Variants in TARBP1 observed in about 807,000 individuals in gnomAD.
TARBP1 encodes tRNA guanosine 2 -O-methyltransferase TARBP1.
A neutral mutation model predicts 178.6 loss-of-function variants in TARBP1; 144 were observed. The observed-to-expected ratio is 0.81, with a 90% confidence interval of 0.70 to 0.93. The LOEUF (loss-of-function observed/expected upper bound fraction) is 0.93, where lower values mean the gene tolerates loss of function less well. TARBP1 is among the 40% of genes least tolerant of loss of function. The pLI is 0.00. For synonymous variants in TARBP1, 787 were observed against 781.0 expected (o/e 1.01, Z -0.13); for missense variants, 2,067 against 2,011.7 (o/e 1.03, Z -0.53).
chr1:234,442,180 G>C (rs1184138018), intron 12 of TARBP1, among the ~76,000 whole-genome samples: 1 of 152,140 alleles, frequency 6.6e-6, no homozygotes, highest in Non-Finnish European at 1.5e-5. Context: ...CTGGGGCTAA[G>C]GCAGAGTTCT....
At chr1:234,477,163 C>T (rs1380217517) in intron 1 of TARBP1, among the ~76,000 whole-genome samples, 1 of 152,024 alleles carries the variant, frequency 6.6e-6, no homozygotes, top group Non-Finnish European at 1.5e-5. Flanking sequence ...CCAGCCTGGG[C>T]AACAAGACCG....
At chr1:234,470,701 C>T (rs761416495) in intron 3 of TARBP1, among the ~76,000 whole-genome samples, 10 of 151,996 alleles carry the variant, frequency 6.6e-5, no homozygotes, top group Non-Finnish European at 1.3e-4. Context: ...CTGCAACCTC[C>T]GCCTCCTGGA....
intron 8 of TARBP1, among the ~76,000 whole-genome samples, chr1:234,458,515 T>C (rs1046498479): frequency 5.9e-5 from 9 of 152,186 alleles, no homozygotes; most frequent in African/African-American, 2.2e-4. Context: ...AATAGTTTTT[T>C]TGGAATATAG....
intron 26 of TARBP1, among the ~76,000 whole-genome samples, chr1:234,395,217 C>T (rs538017553): frequency 1.1e-4 from 16 of 151,798 alleles, no homozygotes; most frequent in South Asian, 6.2e-4. Flanking sequence ...AGAGACAGAG[C>T]GAGACTCCGT....
rs761579507 is a variant in TARBP1 at position 234,463,845 on chromosome 1, T to C, written c.1391A>G (p.Glu464Gly). 1 of 1,563,500 alleles carries C rather than the reference T, an allele frequency of 6.4e-7. No homozygotes were observed. The part of the protein sequence containing the change: ...LVTYISLLPE[E>G]IKSSFLLKFI... The stretch of plus-strand genomic sequence containing the variant: ...CCTTTACTGACACATACTCTTTATT[T>C]CTTCTGGAAGAAGAGAAATATAAGT... Residue 464 changes from glutamate to glycine, a missense_variant, in exon 6 of 30, where the codon GAA becomes GGA. By Grantham distance (98) the Glu-to-Gly change is moderately conservative. Coordinates refer to ENST00000040877, the MANE Select transcript of TARBP1 (RefSeq NM_005646.4).
chr1:234,393,455 A>C lies in TARBP1; in HGVS notation c.4467T>G (p.Ala1489=). 1 of 1,608,452 alleles carries C rather than the reference A, an allele frequency of 6.2e-7. No homozygotes were observed. Among genetic ancestry groups the C allele is most frequent in the South Asian group, 1.1e-5 (1 of 90,452 alleles). ...GLCRTCEVFG[A]SVLVVGSLQC... ...GAAGGCTGCCAACAACGAGCACTGA[A>C]GCCCCAAATACCTCACAGGTCCTGC... The change falls in exon 28 of 30, where the codon GCT becomes GCG. Residue 1489 remains alanine (A), a synonymous_variant. Coordinates refer to ENST00000040877, the MANE Select transcript of TARBP1 (RefSeq NM_005646.4).
intron 15 of TARBP1, 98 bp downstream of exon 15, chr1:234,429,989 G>A: frequency 8.2e-7 from 1 of 1,220,720 alleles, no homozygotes; most frequent in East Asian, 2.3e-5. Context: ...TGGAGCTTCA[G>A]CCCCAAAATT....
rs772455692 is a variant in TARBP1, at chr1:234,459,282, C to A, written c.1580G>T (p.Arg527Ile). The A allele has an allele frequency of 1.2e-6, 2 of 1,613,482 alleles. No homozygotes were observed. The highest frequency in any genetic ancestry group is 1.7e-5 in the Admixed American group (1 of 59,886). The change falls in exon 8 of 30, where the codon AGA becomes ATA. Residue 527 changes from arginine to isoleucine, a missense_variant. Transcript: ENST00000040877. ...AAGAAGGTAGCATTGGGCTGCCCCT[C>A]TCAGGAGAATCTGATGTGTGATCAT... ...CTMITHQILL[R>I]GAAQCYLLQT...
At chr1:234,437,740 C>T (rs1665175281) in intron 12 of TARBP1, among the ~76,000 whole-genome samples, 1 of 152,200 alleles carries the variant, frequency 6.6e-6, no homozygotes, top group African/African-American at 2.4e-5. Context: ...CCCTCTGGTC[C>T]TCCTCCCAAT....
Position 234,446,806 on chromosome 1 carries a change from C to T in TARBP1, c.2131G>A (p.Asp711Asn), listed in dbSNP as rs1666228130. 2 of 1,613,720 alleles carry T rather than the reference C, an allele frequency of 1.2e-6. No homozygotes were observed. The highest frequency in any genetic ancestry group is 4.5e-5 in the East Asian group (2 of 44,868). ...AAGAGAAACAACTTATCCTCACCAT[C>T]TTGGGCACTGGAACCTTTCAACCTG... ...TCRLKGSSAQ[D>N]DEVSTVLQNF... Residue 711 changes from aspartate to asparagine, a missense_variant, in exon 12 of 30, where the codon GAT becomes AAT. Asp to Asn is a conservative substitution (Grantham distance 23). Transcript: ENST00000040877.
At chr1:234,456,421 G>A (rs867692012) in intron 9 of TARBP1, among the ~76,000 whole-genome samples, 4 of 152,130 alleles carry the variant, frequency 2.6e-5, no homozygotes, top group Admixed American at 2.6e-4. Context: ...GGCTGGTCTC[G>A]AACTCCTGGC....
chr1:234,474,591 C>T (rs995833848), intron 1 of TARBP1, among the ~76,000 whole-genome samples: 1 of 152,136 alleles, frequency 6.6e-6, no homozygotes, highest in Non-Finnish European at 1.5e-5. Flanking sequence ...AGAAACAGTT[C>T]CTGTATAAAT....
intron 26 of TARBP1, among the ~76,000 whole-genome samples, chr1:234,394,085 T>C (rs1368759941): frequency 6.6e-6 from 1 of 152,144 alleles, no homozygotes; most frequent in Non-Finnish European, 1.5e-5. Flanking sequence ...CATGGAAACA[T>C]GAGATACACG....
At chr1:234,438,593 C>T (rs992851477) in intron 12 of TARBP1, among the ~76,000 whole-genome samples, 7 of 151,958 alleles carry the variant, frequency 4.6e-5, no homozygotes, top group African/African-American at 1.2e-4. Flanking sequence ...ATCTGAACAA[C>T]GGAGAGAAAA....
chr1:234,458,070 G>A (rs192051459), intron 8 of TARBP1, among the ~76,000 whole-genome samples: 36 of 151,958 alleles, frequency 2.4e-4, no homozygotes, highest in Admixed American at 1.1e-3. Context: ...GAGGACAGGC[G>A]CGGTGGCTCA....
intron 20 of TARBP1, among the ~76,000 whole-genome samples, chr1:234,424,605 G>C (rs1285540348): frequency 1.3e-5 from 2 of 152,074 alleles, no homozygotes; most frequent in African/African-American, 4.8e-5. Context: ...ATTTCTTACA[G>C]AAAGCAATAT....
intron 20 of TARBP1, 139 bp from the exon 21 acceptor site, chr1:234,420,951 G>A (rs1017578394): frequency 2.4e-5 from 11 of 465,790 alleles, no homozygotes; most frequent in Non-Finnish European, 3.4e-5. Context: ...GCAGTTAGGA[G>A]GATGAGAAAA....
chr1:234,456,736 T>C (rs1160457252), intron 9 of TARBP1, among the ~76,000 whole-genome samples: 3 of 152,176 alleles, frequency 2.0e-5, no homozygotes, highest in Non-Finnish European at 4.4e-5. Flanking sequence ...AGTAAGAGAA[T>C]ACGTATATTC....
At chr1:234,469,810 T>C (rs1571875574) in intron 3 of TARBP1, among the ~76,000 whole-genome samples, 1 of 152,236 alleles carries the variant, frequency 6.6e-6, no homozygotes, top group Admixed American at 6.5e-5. Flanking sequence ...TCTCATAATA[T>C]AGTGATCAAG....
Sources: allele counts gnomAD v4.1 joint callset (sites outside exome capture counted in the v4.1 genomes callset), GRCh38; gene constraint gnomAD v4.1.1; transcripts MANE v1.5; gene names NCBI Gene and HGNC (gene_info 2026-07-23, HGNC 2026-07-21).